PTGFRN: variants seen among roughly 807,000 people sequenced by gnomAD.
PTGFRN encodes the protein prostaglandin F2 receptor inhibitor, also known as prostaglandin F2 receptor negative regulator.
In PTGFRN, 35 loss-of-function variants were observed where a neutral mutation model predicts 83.2. The observed-to-expected ratio is 0.42, with a 90% CI of 0.32 to 0.56. PTGFRN has a LOEUF of 0.56. PTGFRN is among the 20% of genes least tolerant of loss of function. The pLI is 0.11. For synonymous variants in PTGFRN, 519 were observed against 498.6 expected (o/e 1.04, Z -0.55); for missense variants, 1,051 against 1,179.5 (o/e 0.89, Z 1.60).
intron 1 of PTGFRN, among the ~76,000 whole-genome samples, chr1:116,922,270 A>G (rs1034995614): frequency 5.3e-5 from 8 of 152,208 alleles, no homozygotes; most frequent in Admixed American, 1.3e-4. Context: ...AACTCACAAA[A>G]CAATTACTGA....
intron 7 of PTGFRN, among the ~76,000 whole-genome samples, chr1:116,978,270 T>G (rs961313292): frequency 6.6e-6 from 1 of 152,202 alleles, no homozygotes; most frequent in Admixed American, 6.5e-5. Context: ...GCAGACGGAT[T>G]CACAGCCGAA....
chr1:116,914,367 CATGTGCCAGCTACT>C lies in PTGFRN; in HGVS notation c.49+4119_49+4132del, dbSNP rs547699864. ...CTAGCTGTAAGGAAAGCTGGGAAGC[CATGTGCCAGCTACT>C]ATGGAAGAAGGGAAAGACAGATTTT... On this transcript the variant is annotated intron_variant, in intron 1 of 8. Coordinates refer to ENST00000393203, the MANE Select transcript of PTGFRN (RefSeq NM_020440.4). Among the ~76,000 whole-genome samples, 6 of 152,336 alleles carry C rather than the reference CATGTGCCAGCTACT, an allele frequency of 3.9e-5. No individual in the cohort carries two copies. The South Asian group carries it at 1.2e-3, about 32-fold the overall frequency.
chr1:116,929,230 A>G (rs1649733239), intron 1 of PTGFRN, among the ~76,000 whole-genome samples: 1 of 152,188 alleles, frequency 6.6e-6, no homozygotes, highest in African/African-American at 2.4e-5. Context: ...CTTTTCATTC[A>G]TACACAAGTT....
chr1:116,943,482 CAA>C (rs1327887885), intron 2 of PTGFRN, among the ~76,000 whole-genome samples: 1 of 152,160 alleles, frequency 6.6e-6, no homozygotes, highest in African/African-American at 2.4e-5. Context: ...GCAGGAGACA[CAA>C]GAGGAGGCCT....
chr1:116,942,233 T>C, intron 2 of PTGFRN, 150 bp downstream of exon 2: 1 of 1,204,402 alleles, frequency 8.3e-7, no homozygotes, highest in Non-Finnish European at 1.1e-6. Context: ...AATCATGTCT[T>C]AAAATTTAAA....
chr1:116,916,210 A>G (rs548491946), intron 1 of PTGFRN, among the ~76,000 whole-genome samples: 3 of 152,316 alleles, frequency 2.0e-5, no homozygotes, highest in African/African-American at 7.2e-5. Flanking sequence ...CACCTTTACA[A>G]GCAGCTGGAA....
chr1:116,942,756 G>T (rs972546669), intron 2 of PTGFRN, among the ~76,000 whole-genome samples: 2 of 152,136 alleles, frequency 1.3e-5, no homozygotes, highest in African/African-American at 4.8e-5. Flanking sequence ...TATGTACCTG[G>T]AATGTTTTGG....
Position 116,944,801 on chromosome 1 carries a change from C to G in PTGFRN, c.541C>G (p.Leu181Val). The stretch of plus-strand genomic sequence containing the variant: ...CTCCGCCTCGCCGCTGCACACGCAC[C>G]TGGCGCTGCTGTGGGAGGTGCACCG... The part of the protein sequence containing the change: ...AASASPLHTH[L>V]ALLWEVHRGP... The change falls in exon 3 of 9, where the codon CTG becomes GTG. Residue 181 changes from leucine (L) to valine (V), a missense_variant. Transcript: ENST00000393203. The G allele has an allele frequency of 6.4e-7, 1 of 1,568,516 alleles. No homozygotes were observed. Among genetic ancestry groups the G allele is most frequent in the Non-Finnish European group, 8.6e-7 (1 of 1,161,040 alleles).
intron 1 of PTGFRN, among the ~76,000 whole-genome samples, chr1:116,920,550 C>T (rs903536912): frequency 1.3e-5 from 2 of 152,196 alleles, no homozygotes; most frequent in Non-Finnish European, 2.9e-5. Context: ...AGAAGAGACA[C>T]AGACATCTTG....
chr1:116,954,684 C>T (rs931390056), intron 4 of PTGFRN, among the ~76,000 whole-genome samples: 1 of 152,212 alleles, frequency 6.6e-6, no homozygotes, highest in African/African-American at 2.4e-5. Context: ...GGAGGTTGCA[C>T]AATTTGATCA....
chr1:116,930,266 G>C (rs1335142239), intron 1 of PTGFRN, among the ~76,000 whole-genome samples: 3 of 152,166 alleles, frequency 2.0e-5, no homozygotes, highest in African/African-American at 7.2e-5. Flanking sequence ...AGCCTTTCCT[G>C]GTTTTCTTCC....
chr1:116,983,809 A>G (rs1027980107), intron 7 of PTGFRN, among the ~76,000 whole-genome samples: 4 of 152,210 alleles, frequency 2.6e-5, no homozygotes, highest in African/African-American at 7.2e-5. Context: ...ATTTAAGACA[A>G]CAGTGTCATG....
In PTGFRN at chr1:116,954,020, A is replaced by AT. The variant is rs543518255; in HGVS notation, c.1213+4457dup. 3.7e-4 allele frequency among the ~76,000 whole-genome samples: 56 copies of AT among 150,350 alleles called. No homozygotes were observed. In the South Asian group the frequency reaches 8.1e-3, roughly 22 times the overall value. On this transcript the variant is annotated intron_variant, in intron 4 of 8. Transcript: ENST00000393203. ...GGGCGCCTGCCACCATGCCCGGCTA[A>AT]TTTTTTTTTGTATTTTTAGTAGAGA...
At chr1:116,938,884 T>C (rs1238086668) in intron 1 of PTGFRN, among the ~76,000 whole-genome samples, 2 of 152,136 alleles carry the variant, frequency 1.3e-5, no homozygotes, top group Non-Finnish European at 2.9e-5. Flanking sequence ...ATGGGAGAAT[T>C]TGGCCAAAAC....
At chr1:116,934,682 A>G (rs921959237) in intron 1 of PTGFRN, among the ~76,000 whole-genome samples, 3 of 150,770 alleles carry the variant, frequency 2.0e-5, no homozygotes, top group Admixed American at 6.6e-5. Flanking sequence ...CTATTGTCTT[A>G]TTTTTTCTCT....
chr1:116,920,712 C>T (rs1649514093), intron 1 of PTGFRN, among the ~76,000 whole-genome samples: 1 of 152,156 alleles, frequency 6.6e-6, no homozygotes, highest in South Asian at 2.1e-4. Flanking sequence ...CAACCACTGC[C>T]TCCCGGGTTC....
intron 1 of PTGFRN, among the ~76,000 whole-genome samples, chr1:116,925,846 C>T (rs1052294749): frequency 4.6e-5 from 7 of 152,108 alleles, no homozygotes; most frequent in South Asian, 2.1e-4. Flanking sequence ...ACACAGTAGG[C>T]GTGCAGCAAA....
chr1:116,932,639 T>G (rs1342062939), intron 1 of PTGFRN, among the ~76,000 whole-genome samples: 1 of 152,222 alleles, frequency 6.6e-6, no homozygotes, highest in African/African-American at 2.4e-5. Flanking sequence ...CTCATCTGTC[T>G]ACTTCACATT....
intron 1 of PTGFRN, among the ~76,000 whole-genome samples, chr1:116,931,224 C>T (rs956744310): frequency 2.6e-5 from 4 of 152,138 alleles, no homozygotes; most frequent in Non-Finnish European, 5.9e-5. Flanking sequence ...GGTAGGAATG[C>T]AAATATTTGA....
Sources: gnomAD v4.1 joint callset for allele counts (sites outside exome capture counted in the v4.1 genomes callset) on GRCh38, gnomAD v4.1.1 for gene constraint, MANE v1.5 for transcripts, NCBI Gene and HGNC (gene_info 2026-07-23, HGNC 2026-07-21) for gene names.